Variants in KCNN3 observed in about 807,000 individuals in gnomAD.
KCNN3 encodes the protein small conductance calcium-activated potassium channel protein 3.
Under a neutral mutation model 62.9 loss-of-function variants are expected in KCNN3, and 16 were observed. That is an observed-to-expected ratio of 0.25 (90% CI 0.17 to 0.39). The LOEUF (loss-of-function observed/expected upper bound fraction) is 0.39. KCNN3 is among the 10% of genes least tolerant of loss of function. The pLI is 1.00. For missense variants in KCNN3, 599 were observed against 949.4 expected (o/e 0.63, Z 4.85); for synonymous variants, 370 against 389.2 (o/e 0.95, Z 0.58).
chr1:154,743,067 G>C (rs748958800), intron 3 of KCNN3, among the ~76,000 whole-genome samples: 1 of 152,024 alleles, frequency 6.6e-6, no homozygotes, highest in Non-Finnish European at 1.5e-5. Context: ...CTCCAGAATC[G>C]GAGCGCCTGT....
At chr1:154,852,195 G>A (rs1268144184) in intron 1 of KCNN3, among the ~76,000 whole-genome samples, 1 of 147,120 alleles carries the variant, frequency 6.8e-6, no homozygotes, top group Non-Finnish European at 1.5e-5. Context: ...AACAACTTGA[G>A]TGTGTGAATC....
chr1:154,744,327 G>A (rs10752607), intron 3 of KCNN3, among the ~76,000 whole-genome samples: 120,271 of 152,204 alleles, frequency 0.79, 47,822 homozygotes, highest in East Asian at 0.99. Context: ...CAGTGAATCA[G>A]TGCAAAGCTC....
chr1:154,712,707 G>C (rs1700102765), intron 7 of KCNN3, among the ~76,000 whole-genome samples: 1 of 152,180 alleles, frequency 6.6e-6, no homozygotes, highest in Non-Finnish European at 1.5e-5. Context: ...AATGAGGAGA[G>C]GGGGCTGAGG....
At chr1:154,773,945 G>T (rs140344657) in intron 2 of KCNN3, among the ~76,000 whole-genome samples, 1 of 152,320 alleles carries the variant, frequency 6.6e-6, no homozygotes, top group African/African-American at 2.4e-5. Flanking sequence ...CTCTCAGACA[G>T]TGCAGTGAAG....
At chr1:154,841,077 G>A (rs539086222) in intron 1 of KCNN3, among the ~76,000 whole-genome samples, 2 of 152,338 alleles carry the variant, frequency 1.3e-5, no homozygotes, top group Non-Finnish European at 2.9e-5. Flanking sequence ...AAAGACTGAG[G>A]CCTGCCCTAG....
At chr1:154,868,949 T>A in intron 1 of KCNN3, 83 bp downstream of exon 1, 20 of 429,934 alleles carry the variant, frequency 4.7e-5, no homozygotes, top group Non-Finnish European at 5.8e-5. Context: ...TCTCTCTCTC[T>A]CACAATCCCC....
chr1:154,702,150 A>G lies in KCNN3; in HGVS notation c.*5826T>C, dbSNP rs916546465. The G allele has an allele frequency of 8.5e-5, 13 of 152,070 alleles. No individual in the cohort carries two copies. Among genetic ancestry groups the G allele is most frequent in the African/African-American group, 1.2e-4 (5 of 41,394 alleles). The allele number at this position is 152,070 out of a possible 1,614,324, so 9.4% of individuals were successfully genotyped here. On this transcript the variant is annotated 3_prime_UTR_variant, in exon 8 of 8. Transcript: ENST00000271915. ...TACCCAGGCCTTGGAGAATTAGAATATGGCAGTTCAGTAGGCTGTGGTAGG... is the reference window on the plus strand; with the variant it reads ...TACCCAGGCCTTGGAGAATTAGAATGTGGCAGTTCAGTAGGCTGTGGTAGG...
At chr1:154,825,527 G>T (rs952886184) in intron 1 of KCNN3, among the ~76,000 whole-genome samples, 19 of 151,364 alleles carry the variant, frequency 1.3e-4, no homozygotes, top group African/African-American at 4.6e-4. Flanking sequence ...CACTACACCC[G>T]GCTAATTTTT....
chr1:154,840,498 C>T (rs942939466), intron 1 of KCNN3, among the ~76,000 whole-genome samples: 11 of 152,160 alleles, frequency 7.2e-5, no homozygotes, highest in Non-Finnish European at 1.2e-4. Flanking sequence ...TCTCACAAGC[C>T]GCTTCTCACT....
intron 3 of KCNN3, among the ~76,000 whole-genome samples, chr1:154,736,821 G>A (rs1382362746): frequency 6.6e-6 from 1 of 152,056 alleles, no homozygotes; most frequent in African/African-American, 2.4e-5. Context: ...TTATGTTCTT[G>A]TGGGTTTCTT....
intron 3 of KCNN3, among the ~76,000 whole-genome samples, chr1:154,753,436 A>G (rs1275436867): frequency 6.6e-6 from 1 of 152,206 alleles, no homozygotes; most frequent in Non-Finnish European, 1.5e-5. Flanking sequence ...AAATTAGAAA[A>G]TGACTGCACA....
intron 1 of KCNN3, among the ~76,000 whole-genome samples, chr1:154,822,736 C>T (rs900372479): frequency 1.3e-5 from 2 of 152,198 alleles, no homozygotes; most frequent in African/African-American, 4.8e-5. Context: ...GCAGGGACGG[C>T]AGAGGAGCTA....
intron 2 of KCNN3, among the ~76,000 whole-genome samples, chr1:154,791,323 T>C (rs1020145457): frequency 6.1e-5 from 9 of 148,212 alleles, no homozygotes; most frequent in African/African-American, 2.0e-4. Flanking sequence ...TGCTCTAAAC[T>C]GAGAGCTCTT....
At chr1:154,749,884 G>C (rs966352458) in intron 3 of KCNN3, among the ~76,000 whole-genome samples, 1 of 152,136 alleles carries the variant, frequency 6.6e-6, no homozygotes, top group Non-Finnish European at 1.5e-5. Flanking sequence ...CGGACCACAA[G>C]CAGCCTGCCC....
chr1:154,710,736 G>A (rs989534674), intron 7 of KCNN3, among the ~76,000 whole-genome samples: 1 of 152,132 alleles, frequency 6.6e-6, no homozygotes, highest in Non-Finnish European at 1.5e-5. Context: ...AAAAACACAT[G>A]AAAAAATGCT....
chr1:154,866,951 G>A (rs543128016), intron 1 of KCNN3, among the ~76,000 whole-genome samples: 15 of 152,310 alleles, frequency 9.8e-5, no homozygotes, highest in African/African-American at 2.4e-4. Context: ...TGACTCTCCC[G>A]TCGCGTTAAG....
intron 4 of KCNN3, among the ~76,000 whole-genome samples, chr1:154,731,100 C>T (rs1237616682): frequency 6.6e-6 from 1 of 152,182 alleles, no homozygotes; most frequent in African/African-American, 2.4e-5. Flanking sequence ...AGGGCCCATC[C>T]ACCTACTGGC....
At chr1:154,763,875 TA>T (rs1442316544) in intron 3 of KCNN3, among the ~76,000 whole-genome samples, 1 of 152,246 alleles carries the variant, frequency 6.6e-6, no homozygotes, top group Non-Finnish European at 1.5e-5. Flanking sequence ...TTTAAACATT[TA>T]AAAATTCAGA....
At chr1:154,822,332 C>A in intron 1 of KCNN3, 148 bp from the exon 2 acceptor site, 1 of 701,304 alleles carries the variant, frequency 1.4e-6, no homozygotes, top group South Asian at 1.6e-5. Context: ...CAAAGTCAGC[C>A]TGAGCCCCAC....
Sources: gnomAD v4.1 joint callset for allele counts (sites outside exome capture counted in the v4.1 genomes callset) on GRCh38, gnomAD v4.1.1 for gene constraint, MANE v1.5 for transcripts, NCBI Gene and HGNC (gene_info 2026-07-23, HGNC 2026-07-21) for gene names.